Variants in SYN3 observed in about 807,000 individuals in gnomAD.
SYN3 encodes synapsin III.
In SYN3, 35 loss-of-function variants were observed where a neutral mutation model predicts 65.8. That is an observed-to-expected ratio of 0.53 (90% confidence interval 0.41 to 0.70). The LOEUF is 0.70. Among genes scored for constraint, SYN3 ranks in the 30% least tolerant of loss-of-function variants. SYN3 has a pLI of 0.00. For missense variants in SYN3, 680 were observed against 749.0 expected (o/e 0.91, Z 1.08); for synonymous variants, 270 against 292.9 (o/e 0.92, Z 0.80).
intron 4 of SYN3, among the ~76,000 whole-genome samples, chr22:32,916,736 G>A (rs951915994): frequency 1.3e-5 from 2 of 152,178 alleles, no homozygotes; most frequent in African/African-American, 2.4e-5. Flanking sequence ...CAGGGCACAA[G>A]CATTTGCATT....
intron 6 of SYN3, among the ~76,000 whole-genome samples, chr22:32,815,243 A>G (rs1305759083): frequency 6.6e-6 from 1 of 152,220 alleles, no homozygotes; most frequent in African/African-American, 2.4e-5. Flanking sequence ...GGCTACTGAC[A>G]GCTTTGCTGC....
At chr22:32,942,154 T>A (rs1463834951) in intron 3 of SYN3, among the ~76,000 whole-genome samples, 1 of 152,192 alleles carries the variant, frequency 6.6e-6, no homozygotes, top group Non-Finnish European at 1.5e-5. Flanking sequence ...CCTCCTCAAG[T>A]GGGTCCCTGA....
intron 6 of SYN3, among the ~76,000 whole-genome samples, chr22:32,770,222 C>T (rs952088493): frequency 3.9e-5 from 6 of 152,182 alleles, no homozygotes; most frequent in Non-Finnish European, 7.3e-5. Context: ...TCACTAACTC[C>T]TGATCCAAGG....
chr22:32,984,830 A>G (rs1302151912), intron 2 of SYN3, among the ~76,000 whole-genome samples: 2 of 152,194 alleles, frequency 1.3e-5, no homozygotes, highest in African/African-American at 4.8e-5. Context: ...ATACTGGGAA[A>G]AAAAACATGG....
chr22:33,053,317 GGAGGCT>G (rs2054202189), intron 1 of SYN3, among the ~76,000 whole-genome samples: 1 of 152,136 alleles, frequency 6.6e-6, no homozygotes, highest in Non-Finnish European at 1.5e-5. Flanking sequence ...CAGCTACTCC[GGAGGCT>G]GAGGCAGGAG....
chr22:32,621,664 G>T (rs529955048), intron 6 of SYN3, among the ~76,000 whole-genome samples: 20 of 152,240 alleles, frequency 1.3e-4, no homozygotes, highest in Admixed American at 2.6e-4. Flanking sequence ...TCCCTTACAG[G>T]GGGTGCCTTT....
intron 4 of SYN3, among the ~76,000 whole-genome samples, chr22:32,926,531 G>A (rs898350709): frequency 2.0e-5 from 3 of 151,812 alleles, no homozygotes; most frequent in Non-Finnish European, 2.9e-5. Flanking sequence ...TTTCACCTTC[G>A]AGTCTATTTT....
intron 1 of SYN3, among the ~76,000 whole-genome samples, chr22:33,048,724 T>C (rs897325079): frequency 7.2e-5 from 11 of 152,184 alleles, no homozygotes; most frequent in Admixed American, 3.9e-4. Context: ...TGCAGAACCT[T>C]GAGCCAAATA....
chr22:33,038,032 A>C (rs912211752), intron 1 of SYN3, among the ~76,000 whole-genome samples: 3 of 151,824 alleles, frequency 2.0e-5, no homozygotes, highest in Admixed American at 6.6e-5. Context: ...AGATCGAGAA[A>C]ATGAAACCAG....
chr22:32,628,071 G>A (rs898195005), intron 6 of SYN3, among the ~76,000 whole-genome samples: 14 of 152,010 alleles, frequency 9.2e-5, no homozygotes, highest in Non-Finnish European at 1.5e-4. Context: ...CTCGTGATCC[G>A]CCCGCCAAAT....
chr22:32,645,924 T>C (rs1190619834), intron 6 of SYN3, among the ~76,000 whole-genome samples: 1 of 151,958 alleles, frequency 6.6e-6, no homozygotes, highest in Non-Finnish European at 1.5e-5. Context: ...GGTGGGGAGC[T>C]GTACCCCACT....
At chr22:32,903,175 G>A (rs2049808999) in intron 4 of SYN3, among the ~76,000 whole-genome samples, 1 of 152,178 alleles carries the variant, frequency 6.6e-6, no homozygotes, top group Non-Finnish European at 1.5e-5. Context: ...GACTGACCTT[G>A]AGTAAGACCA....
chr22:32,675,033 T>G (rs1262255178), intron 6 of SYN3, among the ~76,000 whole-genome samples: 1 of 152,166 alleles, frequency 6.6e-6, no homozygotes, highest in Non-Finnish European at 1.5e-5. Flanking sequence ...CTGAACAAAG[T>G]TCTGTCTGAA....
intron 6 of SYN3, among the ~76,000 whole-genome samples, chr22:32,838,278 C>T (rs1007771040): frequency 6.6e-6 from 1 of 152,060 alleles, no homozygotes; most frequent in African/African-American, 2.4e-5. Flanking sequence ...CAAAATAAAA[C>T]AAACAATAAA....
At chr22:32,703,370 G>A (rs2060835096) in intron 6 of SYN3, among the ~76,000 whole-genome samples, 1 of 152,160 alleles carries the variant, frequency 6.6e-6, no homozygotes, top group Admixed American at 6.5e-5. Flanking sequence ...CGGGCGCGGT[G>A]GCTCATGCCT....
chr22:32,745,631 T>C (rs1227372814), intron 6 of SYN3, among the ~76,000 whole-genome samples: 1 of 152,110 alleles, frequency 6.6e-6, no homozygotes, highest in Non-Finnish European at 1.5e-5. Context: ...CAAAGGTATT[T>C]GGCACCTCCA....
chr22:32,899,128 A>G (rs141258837), intron 4 of SYN3, among the ~76,000 whole-genome samples: 1 of 152,138 alleles, frequency 6.6e-6, no homozygotes, highest in East Asian at 1.9e-4. Flanking sequence ...AAACAACGAA[A>G]AAAATGAGAT....
intron 4 of SYN3, among the ~76,000 whole-genome samples, chr22:32,913,567 T>A (rs2050112089): frequency 6.6e-6 from 1 of 152,112 alleles, no homozygotes; most frequent in African/African-American, 2.4e-5. Context: ...GTTAGGTTTT[T>A]CTATTTTCTT....
At chr22:32,514,907 G>T (rs568929827) in intron 13 of SYN3, among the ~76,000 whole-genome samples, 17 of 152,138 alleles carry the variant, frequency 1.1e-4, no homozygotes, top group African/African-American at 3.4e-4. Flanking sequence ...TCCCAGCTAC[G>T]CGGGAGGCTG....
Sources: gnomAD v4.1 joint callset for allele counts (sites outside exome capture counted in the v4.1 genomes callset) on GRCh38, gnomAD v4.1.1 for gene constraint, MANE v1.5 for transcripts, NCBI Gene and HGNC (gene_info 2026-07-23, HGNC 2026-07-21) for gene names.